PIP5K1B: variants seen among roughly 807,000 people sequenced by gnomAD.
The protein encoded by PIP5K1B is phosphatidylinositol-4-phosphate 5-kinase type 1 beta.
A neutral mutation model predicts 67.0 loss-of-function variants in PIP5K1B; 42 were observed. That is an observed-to-expected ratio of 0.63 (90% CI 0.49 to 0.81). The LOEUF (loss-of-function observed/expected upper bound fraction) is 0.81, where lower values mean the gene tolerates loss of function less well. Ranked by LOEUF, PIP5K1B falls within the 30% of genes least tolerant of loss-of-function variation. PIP5K1B has a pLI of 0.00. For missense variants in PIP5K1B, 459 were observed against 646.3 expected (o/e 0.71, Z 3.14); for synonymous variants, 214 against 231.4 (o/e 0.92, Z 0.68).
chr9:68,954,308 T>A (rs1479987541), intron 14 of PIP5K1B, among the ~76,000 whole-genome samples: 1 of 152,160 alleles, frequency 6.6e-6, no homozygotes, highest in African/African-American at 2.4e-5. Flanking sequence ...TTTTAACCCT[T>A]TATTGTAGTG....
At chr9:68,945,435 C>T (rs559040061) in intron 14 of PIP5K1B, among the ~76,000 whole-genome samples, 5 of 152,270 alleles carry the variant, frequency 3.3e-5, no homozygotes, top group South Asian at 2.1e-4. Flanking sequence ...TGTGAGCCAC[C>T]GCACCCAGCC....
chr9:68,773,022 CT>C (rs542420747), intron 2 of PIP5K1B, among the ~76,000 whole-genome samples: 101 of 152,308 alleles, frequency 6.6e-4, no homozygotes, highest in South Asian at 8.3e-4. Context: ...GGTTGACAGA[CT>C]TGCCCAAAGT....
intron 14 of PIP5K1B, among the ~76,000 whole-genome samples, chr9:68,950,676 T>TG (rs1828021882): frequency 6.6e-6 from 1 of 152,294 alleles, no homozygotes; most frequent in African/African-American, 2.4e-5. Context: ...GTCCTCTAGC[T>TG]GGGGGGTCTG....
intron 8 of PIP5K1B, among the ~76,000 whole-genome samples, chr9:68,903,203 C>T (rs894703429): frequency 1.2e-4 from 18 of 152,198 alleles, no homozygotes; most frequent in African/African-American, 4.3e-4. Context: ...CTCGAGAGTT[C>T]TTACACAGCA....
At chr9:68,998,366 T>G (rs1830683628) in intron 15 of PIP5K1B, among the ~76,000 whole-genome samples, 1 of 152,212 alleles carries the variant, frequency 6.6e-6, no homozygotes, top group South Asian at 2.1e-4. Context: ...TCCACTTTCT[T>G]AAAAGCTAGT....
At chr9:68,869,040 T>A (rs991083434) in intron 5 of PIP5K1B, among the ~76,000 whole-genome samples, 1 of 152,214 alleles carries the variant, frequency 6.6e-6, no homozygotes, top group African/African-American at 2.4e-5. Context: ...TTGCCTCATA[T>A]CATCACTCAA....
chr9:68,933,154 A>C (rs1338205495), intron 12 of PIP5K1B, among the ~76,000 whole-genome samples: 1 of 152,054 alleles, frequency 6.6e-6, no homozygotes, highest in African/African-American at 2.4e-5. Flanking sequence ...GAAAGACAGG[A>C]GTTTATTGAA....
At chr9:68,919,423 A>T in intron 9 of PIP5K1B, 56 bp from the exon 10 acceptor site, 1 of 832,020 alleles carries the variant, frequency 1.2e-6, no homozygotes, top group Non-Finnish European at 1.9e-6. Flanking sequence ...ATGATTTTTT[A>T]ACTTCCTATT....
intron 2 of PIP5K1B, among the ~76,000 whole-genome samples, chr9:68,764,615 T>C (rs1404972138): frequency 6.6e-6 from 1 of 152,140 alleles, no homozygotes. Context: ...TTCATACTAC[T>C]GTTTAATGCT....
At chr9:68,713,843 G>A (rs1409480911) in intron 1 of PIP5K1B, among the ~76,000 whole-genome samples, 1 of 152,194 alleles carries the variant, frequency 6.6e-6, no homozygotes, top group East Asian at 1.9e-4. Flanking sequence ...AGCTTACTCT[G>A]TTCCAGGCAC....
intron 14 of PIP5K1B, among the ~76,000 whole-genome samples, chr9:68,969,319 G>T (rs1419006519): frequency 7.3e-6 from 1 of 136,136 alleles, no homozygotes; most frequent in Non-Finnish European, 1.5e-5. Context: ...AGTGAGCCGA[G>T]ATCACGCCAC....
At chr9:68,749,704 G>T (rs376231118) in intron 2 of PIP5K1B, among the ~76,000 whole-genome samples, 11 of 152,134 alleles carry the variant, frequency 7.2e-5, no homozygotes, top group Non-Finnish European at 1.2e-4. Context: ...TCTCAACCTC[G>T]GCACTAATGA....
intron 1 of PIP5K1B, among the ~76,000 whole-genome samples, chr9:68,734,685 C>CA (rs1214554315): frequency 2.6e-4 from 40 of 152,308 alleles, no homozygotes; most frequent in African/African-American, 8.9e-4. Flanking sequence ...AATGTCCCTC[C>CA]AGTCTATACA....
At chr9:68,796,553 A>G (rs763305763) in intron 2 of PIP5K1B, among the ~76,000 whole-genome samples, 1 of 152,240 alleles carries the variant, frequency 6.6e-6, no homozygotes, top group Non-Finnish European at 1.5e-5. Context: ...AGATTTTTTC[A>G]TGAATCTAAG....
intron 12 of PIP5K1B, among the ~76,000 whole-genome samples, chr9:68,928,348 G>A (rs1826814979): frequency 6.6e-6 from 1 of 152,160 alleles, no homozygotes; most frequent in Non-Finnish European, 1.5e-5. Flanking sequence ...AGGGTAGCTG[G>A]TAGTTTGATA....
intron 2 of PIP5K1B, among the ~76,000 whole-genome samples, chr9:68,786,840 C>G (rs1224603934): frequency 6.6e-6 from 1 of 152,128 alleles, no homozygotes; most frequent in African/African-American, 2.4e-5. Flanking sequence ...TGACCACTTA[C>G]CAAGCAGCTT....
At chr9:68,733,679 G>A (rs1013076485) in intron 1 of PIP5K1B, among the ~76,000 whole-genome samples, 22 of 115,798 alleles carry the variant, frequency 1.9e-4, no homozygotes, top group Admixed American at 1.1e-3. Flanking sequence ...TTGCTTATTC[G>A]CCCAGGCTGG....
intron 1 of PIP5K1B, among the ~76,000 whole-genome samples, chr9:68,729,368 T>A (rs976007241): frequency 4.6e-5 from 7 of 152,172 alleles, no homozygotes; most frequent in African/African-American, 1.7e-4. Context: ...TTGCTTTCTG[T>A]TACCTAGGGC....
At chr9:68,750,288 C>T (rs2132347728) in intron 2 of PIP5K1B, among the ~76,000 whole-genome samples, 1 of 152,332 alleles carries the variant, frequency 6.6e-6, no homozygotes, top group South Asian at 2.1e-4. Flanking sequence ...TCTCACCTTT[C>T]AGCTCCCCAG....
Sources: allele counts gnomAD v4.1 joint callset (sites outside exome capture counted in the v4.1 genomes callset), GRCh38; gene constraint gnomAD v4.1.1; transcripts MANE v1.5; gene names NCBI Gene and HGNC (gene_info 2026-07-23, HGNC 2026-07-21).